Variants in ACTC1 observed in about 807,000 individuals in gnomAD.
ACTC1 encodes actin alpha cardiac muscle 1, also known as actin, alpha cardiac muscle 1.
Under a neutral mutation model 31.6 loss-of-function variants are expected in ACTC1, and 10 were observed. The observed-to-expected ratio is 0.32, with a 90% CI of 0.19 to 0.54. The LOEUF (loss-of-function observed/expected upper bound fraction) is 0.54, where lower values mean the gene tolerates loss of function less well. Ranked by LOEUF, ACTC1 falls within the 20% of genes least tolerant of loss-of-function variation. The probability of loss-of-function intolerance (pLI) is 0.95; values close to 1 mark genes in which losing one functional copy is unlikely to be tolerated. For synonymous variants in ACTC1, 196 were observed against 185.0 expected, an observed-to-expected ratio of 1.06 and a Z score of -0.48; for missense variants, 129 against 506.4, an observed-to-expected ratio of 0.25 and a Z score of 7.15.
chr15:34,791,035 G>C lies in ACTC1; in HGVS notation c.990+79C>G, dbSNP rs1029414201. The C allele has an allele frequency of 1.3e-4, 172 of 1,366,872 alleles. 1 individual carries two copies. Among genetic ancestry groups the C allele is most frequent in the Non-Finnish European group, 1.6e-4 (163 of 997,216 alleles). The allele number at this position is 1,366,872 out of a possible 1,614,324, so 84.7% of individuals were successfully genotyped here. On this transcript the variant is annotated intron_variant, in intron 6 of 6. Coordinates refer to ENST00000290378, the MANE Select transcript of ACTC1 (RefSeq NM_005159.5). Reference sequence around the variant, plus strand: ...GTAGGAGACAAGAAACTGAGTATGAGGGAAAAGGAATTTGGAACGTAGTTC... The same window carrying C: ...GTAGGAGACAAGAAACTGAGTATGACGGAAAAGGAATTTGGAACGTAGTTC...
chr15:34,792,111 G>C lies in ACTC1; in HGVS notation c.787C>G (p.Leu263Val). ...GNERFRCPETLFQPSFIGMES... is the reference protein window; with the variant it reads ...GNERFRCPETVFQPSFIGMES... ...TCACCAATGAAGGAGGGCTGGAAGA[G>C]TGTCTCAGGACAGCGGAAGCGCTCA... The change falls in exon 5 of 7, where the codon CTC becomes GTC. Residue 263 changes from leucine (L) to valine (V), a missense_variant. Physicochemically the swap from Leu to Val is conservative, Grantham distance 32. Around this residue, in one of 5 missense-constraint regions of ACTC1, gnomAD observed 37 missense variants for 228.6 expected, o/e 0.16. Transcript: ENST00000290378. This position sits in a 1 kb window ranked among gnomAD's most constrained non-coding sequence, Gnocchi z 5.3. The C allele has an allele frequency of 6.2e-7, 1 of 1,614,230 alleles. No individual in the cohort carries two copies. Among genetic ancestry groups the C allele is most frequent in the Non-Finnish European group, 8.5e-7 (1 of 1,180,042 alleles).
intron 1 of ACTC1, 67 bp from the exon 2 acceptor site, chr15:34,794,897 A>T: frequency 7.5e-7 from 1 of 1,337,232 alleles, no homozygotes; most frequent in African/African-American, 1.5e-5. Context: ...CTCCGCACCC[A>T]GAGGACAGGA....
rs548996341 is a variant in ACTC1 at position 34,792,345 on chromosome 15, C to A, written c.616+63G>T. ...AAGAAGTCAATTATAGGGAGGTAGG[C>A]GGATTCAGTGAGAGAGGAGGAAAGC... On this transcript the variant is annotated intron_variant, in intron 4 of 6. Transcript: ENST00000290378. The surrounding 1 kb of genome is among the most constrained non-coding windows in gnomAD (Gnocchi z 5.3). The A allele has an allele frequency of 4.3e-6, 7 of 1,613,728 alleles. No homozygotes were observed. Among genetic ancestry groups the A allele is most frequent in the Non-Finnish European group, 5.9e-6 (7 of 1,179,670 alleles).
chr15:34,792,647 C>T lies in ACTC1; in HGVS notation c.455-78G>A. ...GCTCTAGCCACGGCAAAGCCCGCTT[C>T]CAATCTTGGCTAAGAGATGCTAGCA... On this transcript the variant is annotated intron_variant, in intron 3 of 6. Transcript: ENST00000290378. The surrounding 1 kb of genome is among the most constrained non-coding windows in gnomAD (Gnocchi z 5.3). 1 of 1,511,002 alleles carries T rather than the reference C, an allele frequency of 6.6e-7. No homozygotes were observed. The highest frequency in any genetic ancestry group is 9.2e-7 in the Non-Finnish European group (1 of 1,088,938). The allele number at this position is 1,511,002 out of a possible 1,614,324, so 93.6% of individuals were successfully genotyped here. A position where few individuals can be genotyped will look rare whatever the true frequency, so the allele number is the denominator to read the frequency against.
In ACTC1 at chr15:34,791,399, T is replaced by C. The variant is rs981470702; in HGVS notation, c.809-104A>G. 53 of 1,461,146 alleles carry C rather than the reference T, an allele frequency of 3.6e-5. No individual in the cohort carries two copies. In the African/African-American group the frequency reaches 7.0e-4, roughly 19 times the overall value. 90.5% of individuals were successfully genotyped at this position (1,461,146 alleles called of 1,614,324 possible). On this transcript the variant is annotated intron_variant, in intron 5 of 6. Transcript: ENST00000290378. ...GGTAGAGGGAAGAGAACAGAACTTC[T>C]TTGTGTGGGGGAGCTGTCACCATTT...
At chr15:34,795,208 T>C (rs76187079) in intron 1 of ACTC1, among the ~76,000 whole-genome samples, 1,957 of 151,952 alleles carry the variant, frequency 0.013, 14 homozygotes, top group Non-Finnish European at 0.023. Context: ...GTGCCCCAGA[T>C]GGAGGGGAAA....
intron 5 of ACTC1, among the ~76,000 whole-genome samples, chr15:34,791,524 T>C (rs760772698): frequency 1.1e-4 from 16 of 152,204 alleles, no homozygotes; most frequent in Middle Eastern, 3.2e-3. Flanking sequence ...GCAACTGTGC[T>C]TAGCACCTGT....
Position 34,793,717 on chromosome 15 carries a change from G to A in ACTC1, c.130-148C>T. ...AATACGATTTTACCCCAATTTAGAA[G>A]AATTATTTAAAAATCAATCTTCTAC... On this transcript the variant is annotated intron_variant, in intron 2 of 6. Coordinates refer to ENST00000290378, the MANE Select transcript of ACTC1 (RefSeq NM_005159.5). This position sits in a 1 kb window ranked among gnomAD's most constrained non-coding sequence, Gnocchi z 4.8. 1 of 755,842 alleles carries A rather than the reference G, an allele frequency of 1.3e-6. No individual in the cohort carries two copies. The highest frequency in any genetic ancestry group is 1.7e-5 in the South Asian group (1 of 57,468). 46.8% of individuals were successfully genotyped at this position (755,842 alleles called of 1,614,324 possible). A position where few individuals can be genotyped will look rare whatever the true frequency, so the allele number is the denominator to read the frequency against.
In ACTC1 at chr15:34,792,347, G is replaced by C. The variant is rs1891722180; in HGVS notation, c.616+61C>G. 4 of 1,613,868 alleles carry C rather than the reference G, an allele frequency of 2.5e-6. No homozygotes were observed. The highest frequency in any genetic ancestry group is 3.4e-6 in the Non-Finnish European group (4 of 1,179,736). The stretch of plus-strand genomic sequence containing the variant: ...GAAGTCAATTATAGGGAGGTAGGCG[G>C]ATTCAGTGAGAGAGGAGGAAAGCAG... On this transcript the variant is annotated intron_variant, in intron 4 of 6. Transcript: ENST00000290378. This position sits in a 1 kb window ranked among gnomAD's most constrained non-coding sequence, Gnocchi z 5.3.
At position 34,793,832 on chromosome 15, in the gene ACTC1, C is replaced by T. The variant is rs1341277646; in HGVS notation, c.130-263G>A. 2.0e-5 allele frequency among the ~76,000 whole-genome samples: 3 copies of T among 152,186 alleles called. No individual in the cohort carries two copies. Among genetic ancestry groups the T allele is most frequent in the East Asian group, 1.9e-4 (1 of 5,200 alleles). ...AGCTATTCCACTGAAGAAGCAGAGC[C>T]TCACCTCACCTTAAAAATATCATAT... On this transcript the variant is annotated intron_variant, in intron 2 of 6. Coordinates refer to ENST00000290378, the MANE Select transcript of ACTC1 (RefSeq NM_005159.5). The surrounding 1 kb of genome is among the most constrained non-coding windows in gnomAD (Gnocchi z 4.8).
Position 34,790,473 on chromosome 15 carries a change from C to T in ACTC1, c.1073G>A (p.Trp358Ter). 6.2e-7 allele frequency: 1 copy of T among 1,614,122 alleles called. No homozygotes were observed. Among genetic ancestry groups the T allele is most frequent in the Non-Finnish European group, 8.5e-7 (1 of 1,180,026 alleles). The change falls in exon 7 of 7, where the codon TGG becomes TAG. Residue 358 changes from tryptophan (W) to a stop codon, truncating the protein, a stop_gained. Transcript: ENST00000290378. LOFTEE classifies it high-confidence loss of function. ...LASLSTFQQM[W>*]ISKQEYDEAG... The stretch of plus-strand genomic sequence containing the variant: ...CTCATCGTACTCTTGCTTGCTAATC[C>T]ACATTTGCTGGAAGGTGGACAGAGA...
In ACTC1 at chr15:34,793,666, A is replaced by G. The variant is rs1891755704; in HGVS notation, c.130-97T>C. On this transcript the variant is annotated intron_variant, in intron 2 of 6. Transcript: ENST00000290378. The surrounding 1 kb of genome is among the most constrained non-coding windows in gnomAD (Gnocchi z 4.8). Reference sequence around the variant, plus strand: ...TATCTAACTGCCCAAGTCAAGGAACATATTTAAATACCAGAAATAACAAGC... The same window carrying G: ...TATCTAACTGCCCAAGTCAAGGAACGTATTTAAATACCAGAAATAACAAGC... The G allele has an allele frequency of 7.3e-6, 8 of 1,102,510 alleles. 1 individual carries two copies. In the South Asian group the frequency reaches 1.1e-4, roughly 15 times the overall value. 68.3% of individuals were successfully genotyped at this position (1,102,510 alleles called of 1,614,324 possible).
Position 34,792,034 on chromosome 15 carries a change from G to A in ACTC1, c.808+56C>T. 6.3e-7 allele frequency: 1 copy of A among 1,595,284 alleles called. No individual in the cohort carries two copies. Among genetic ancestry groups the A allele is most frequent in the South Asian group, 1.1e-5 (1 of 90,482 alleles). On this transcript the variant is annotated intron_variant, in intron 5 of 6. Coordinates refer to ENST00000290378, the MANE Select transcript of ACTC1 (RefSeq NM_005159.5). This position sits in a 1 kb window ranked among gnomAD's most constrained non-coding sequence, Gnocchi z 5.3. ...TTGAGCCTTCTAGATTTTACTCTGGGAGACCCTAAGATTTCCAGGGAAAAT... is the reference window on the plus strand; with the variant it reads ...TTGAGCCTTCTAGATTTTACTCTGGAAGACCCTAAGATTTCCAGGGAAAAT...
At chr15:34,791,914 A>G (rs1891714028) in intron 5 of ACTC1, 176 bp downstream of exon 5, 1 of 644,898 alleles carries the variant, frequency 1.6e-6, no homozygotes, top group African/African-American at 1.8e-5. Context: ...ATATCACTAG[A>G]GCAGAACATA....
chr15:34,791,989 T>G (rs1486380449), intron 5 of ACTC1, 101 bp downstream of exon 5: 1 of 1,314,156 alleles, frequency 7.6e-7, no homozygotes, highest in Non-Finnish European at 1.1e-6. Flanking sequence ...AACTATGACT[T>G]CTTTTAACTC....
At position 34,790,376 on chromosome 15, in the gene ACTC1, A is replaced by T. The variant is rs776430979; in HGVS notation, c.*36T>A. 3.1e-6 allele frequency: 5 copies of T among 1,612,068 alleles called. No individual in the cohort carries two copies. In the East Asian group the frequency reaches 1.1e-4, roughly 36 times the overall value. ...AGACTCCAAGAAGCATAATACCGTC[A>T]TCCTGACTGGAAGGTAGATGGAGAG... On this transcript the variant is annotated 3_prime_UTR_variant, in exon 7 of 7. Transcript: ENST00000290378.
chr15:34,791,324 C>A (rs1183491874), intron 5 of ACTC1, 29 bp from the exon 6 acceptor site: 1 of 924,420 alleles, frequency 1.1e-6, no homozygotes, highest in Non-Finnish European at 1.5e-6. Flanking sequence ...CACACACACA[C>A]ACACACACAC....
intron 6 of ACTC1, 127 bp from the exon 7 acceptor site, chr15:34,790,682 T>C (rs1891685846): frequency 1.9e-6 from 2 of 1,033,476 alleles, no homozygotes; most frequent in Non-Finnish European, 2.9e-6. Flanking sequence ...GGATATGTCA[T>C]ACCACGAAAT....
At chr15:34,794,577 G>T in intron 2 of ACTC1, 103 bp downstream of exon 2, 2 of 1,439,568 alleles carry the variant, frequency 1.4e-6, no homozygotes, top group Non-Finnish European at 1.8e-6. Context: ...TCTTAATTTG[G>T]CCTAAAGAGT....
Sources: gnomAD v4.1 joint callset for allele counts (sites outside exome capture counted in the v4.1 genomes callset) on GRCh38, gnomAD v4.1.1 for gene constraint, gnomAD v4.1.1 regional missense constraint, Gnocchi (gnomAD v3.1) non-coding constraint, MANE v1.5 for transcripts, NCBI Gene and HGNC (gene_info 2026-07-23, HGNC 2026-07-21) for gene names.